The following KCNH8 variants were observed in gnomAD, a reference collection of about 807,000 sequenced individuals.
KCNH8 encodes voltage-gated delayed rectifier potassium channel KCNH8.
KCNH8 carries 70 observed loss-of-function variants against 103.6 expected under a neutral mutation model. That is an observed-to-expected ratio of 0.68 (90% CI 0.56 to 0.82). The LOEUF is 0.82. Ranked by LOEUF, KCNH8 falls within the 40% of genes least tolerant of loss-of-function variation. The pLI, the probability that KCNH8 is intolerant of heterozygous loss-of-function variation, is 0.00. For synonymous variants in KCNH8, 498 were observed against 489.4 expected, an observed-to-expected ratio of 1.02 and a Z score of -0.23; for missense variants, 1,217 against 1,329.9, an observed-to-expected ratio of 0.92 and a Z score of 1.32.
chr3:19,428,494 T>C (rs574742510), intron 7 of KCNH8, among the ~76,000 whole-genome samples: 154 of 152,306 alleles, frequency 1.0e-3, no homozygotes, highest in African/African-American at 3.6e-3. Flanking sequence ...ATTTTTGAAG[T>C]CTGCATAATT....
At chr3:19,227,924 C>T (rs904906802) in intron 1 of KCNH8, among the ~76,000 whole-genome samples, 14 of 152,130 alleles carry the variant, frequency 9.2e-5, no homozygotes, top group South Asian at 4.1e-4. Context: ...ATGTGCTCTT[C>T]ATGTATAATG....
intron 3 of KCNH8, among the ~76,000 whole-genome samples, chr3:19,306,379 G>T (rs2125293366): frequency 6.6e-6 from 1 of 152,138 alleles, no homozygotes; most frequent in South Asian, 2.1e-4. Context: ...ACTCAAAAGG[G>T]AAAATAACAT....
chr3:19,533,666 C>T lies in KCNH8; in HGVS notation c.2891C>T (p.Ser964Phe). The change falls in exon 16 of 16, where the codon TCC (serine) becomes TTC (phenylalanine). Residue 964 changes from serine (S) to phenylalanine (F), a missense_variant. Physicochemically the swap from Ser to Phe is radical, Grantham distance 155. This residue lies in a region of KCNH8 where 558 missense variants were observed against 495.8 expected (regional missense o/e 1.13). Transcript: ENST00000328405. ...TCAGACATTTGGAGTGTGGATCCCT[C>T]CTCTGTGGGGAGCAGCCCCCAACGA... ...ITSDIWSVDP[S>F]SVGSSPQRTG... 1.2e-6 allele frequency: 2 copies of T among 1,614,010 alleles called. No homozygotes were observed. The highest frequency in any genetic ancestry group is 1.7e-6 in the Non-Finnish European group (2 of 1,179,976).
chr3:19,158,906 T>C (rs1162658516), intron 1 of KCNH8, among the ~76,000 whole-genome samples: 1 of 151,980 alleles, frequency 6.6e-6, no homozygotes, highest in Non-Finnish European at 1.5e-5. Context: ...TTTTCCCTTT[T>C]GTTTAATTGC....
At chr3:19,471,431 G>A (rs1250169374) in intron 11 of KCNH8, among the ~76,000 whole-genome samples, 1 of 152,188 alleles carries the variant, frequency 6.6e-6, no homozygotes, top group East Asian at 1.9e-4. Context: ...TTAGGCCTAT[G>A]AAGTGCAGTG....
intron 5 of KCNH8, among the ~76,000 whole-genome samples, chr3:19,379,716 T>G (rs2066263645): frequency 6.6e-6 from 1 of 152,142 alleles, no homozygotes; most frequent in Non-Finnish European, 1.5e-5. Context: ...AGCAACATGC[T>G]AGTGACAGCC....
intron 1 of KCNH8, among the ~76,000 whole-genome samples, chr3:19,170,588 A>ATC: frequency 7.2e-6 from 1 of 139,216 alleles, no homozygotes; most frequent in Admixed American, 7.1e-5. Context: ...GGGCATCTAT[A>ATC]TATATATATA....
intron 5 of KCNH8, among the ~76,000 whole-genome samples, chr3:19,353,590 A>C (rs2065836019): frequency 6.6e-6 from 1 of 152,198 alleles, no homozygotes; most frequent in Non-Finnish European, 1.5e-5. Context: ...TATGCAAATC[A>C]AGAAACATAA....
chr3:19,276,868 A>G (rs571819325), intron 2 of KCNH8, among the ~76,000 whole-genome samples: 1 of 152,264 alleles, frequency 6.6e-6, no homozygotes, highest in East Asian at 1.9e-4. Flanking sequence ...ATATATCCCA[A>G]AGAAAGGAAA....
At chr3:19,317,319 T>C (rs2065287066) in intron 3 of KCNH8, among the ~76,000 whole-genome samples, 1 of 151,960 alleles carries the variant, frequency 6.6e-6, no homozygotes, top group Non-Finnish European at 1.5e-5. Context: ...TCATCTTAAT[T>C]ATTTTTAATG....
intron 3 of KCNH8, among the ~76,000 whole-genome samples, chr3:19,287,840 T>TC (rs2064854883): frequency 6.6e-6 from 1 of 151,632 alleles, no homozygotes; most frequent in Non-Finnish European, 1.5e-5. Flanking sequence ...TGCCTCGGCC[T>TC]CCTGAAGTGT....
intron 1 of KCNH8, among the ~76,000 whole-genome samples, chr3:19,176,441 T>C (rs1374506099): frequency 6.6e-6 from 1 of 152,176 alleles, no homozygotes; most frequent in Non-Finnish European, 1.5e-5. Context: ...AAGTGTTGGA[T>C]ATATCTGAAA....
chr3:19,252,072 G>A (rs1319544136), intron 1 of KCNH8, among the ~76,000 whole-genome samples: 1 of 152,072 alleles, frequency 6.6e-6, no homozygotes, highest in African/African-American at 2.4e-5. Context: ...ATGAATGAAT[G>A]ATTAATTTGA....
chr3:19,525,895 G>A (rs1453953562), intron 15 of KCNH8, among the ~76,000 whole-genome samples: 1 of 151,872 alleles, frequency 6.6e-6, no homozygotes, highest in Admixed American at 6.6e-5. Flanking sequence ...CAAGTGCTGA[G>A]TATGATTATT....
At chr3:19,496,700 C>A (rs2068448456) in intron 11 of KCNH8, among the ~76,000 whole-genome samples, 1 of 152,006 alleles carries the variant, frequency 6.6e-6, no homozygotes, top group African/African-American at 2.4e-5. Flanking sequence ...ATGATACTGG[C>A]CTCATAAAAT....
chr3:19,477,637 A>C (rs2068004548), intron 11 of KCNH8, among the ~76,000 whole-genome samples: 1 of 152,166 alleles, frequency 6.6e-6, no homozygotes, highest in Non-Finnish European at 1.5e-5. Context: ...TGGAAGCAAC[A>C]AACAAGGAAT....
At chr3:19,410,818 A>T (rs2066765227) in intron 7 of KCNH8, among the ~76,000 whole-genome samples, 1 of 151,420 alleles carries the variant, frequency 6.6e-6, no homozygotes, top group African/African-American at 2.4e-5. Context: ...GAAGAAAATG[A>T]ACACTGAACG....
At chr3:19,322,097 C>A (rs62279477) in intron 3 of KCNH8, among the ~76,000 whole-genome samples, 5,960 of 152,114 alleles carry the variant, frequency 0.039, 148 homozygotes, top group East Asian at 0.098. Flanking sequence ...TCAGGTGAGT[C>A]TCTTGAAGAC....
At chr3:19,325,295 G>A (rs911661430) in intron 3 of KCNH8, among the ~76,000 whole-genome samples, 1 of 152,128 alleles carries the variant, frequency 6.6e-6, no homozygotes, top group Non-Finnish European at 1.5e-5. Context: ...CATGGGCAAA[G>A]ATTTCATGAT....
Sources: allele counts gnomAD v4.1 joint callset (sites outside exome capture counted in the v4.1 genomes callset), GRCh38; gene constraint gnomAD v4.1.1; regional missense constraint gnomAD v4.1.1; transcripts MANE v1.5; gene names NCBI Gene and HGNC (gene_info 2026-07-23, HGNC 2026-07-21).